Variants in TMPRSS15 observed in about 807,000 individuals in gnomAD.
The protein encoded by TMPRSS15 is enteropeptidase.
TMPRSS15 carries 128 observed loss-of-function variants against 125.3 expected under a neutral mutation model. That is an observed-to-expected ratio of 1.02 (90% CI 0.89 to 1.18). The LOEUF is 1.18. Ranked by LOEUF, TMPRSS15 falls within the 50% of genes most tolerant of loss-of-function variation. The probability of loss-of-function intolerance (pLI) is 0.00; values close to 1 mark genes in which losing one functional copy is unlikely to be tolerated. For synonymous variants in TMPRSS15, 446 were observed against 423.2 expected (o/e 1.05, Z -0.66); for missense variants, 1,283 against 1,212.7 (o/e 1.06, Z -0.86).
intron 1 of TMPRSS15, among the ~76,000 whole-genome samples, chr21:18,463,738 T>C (rs2122954097): frequency 2.6e-5 from 4 of 152,288 alleles, no homozygotes; most frequent in South Asian, 2.1e-4. Context: ...ATGGAAGTCA[T>C]GACAAATTGT....
At chr21:18,305,745 C>T (rs189613785) in intron 18 of TMPRSS15, among the ~76,000 whole-genome samples, 2 of 152,252 alleles carry the variant, frequency 1.3e-5, no homozygotes, top group Admixed American at 1.3e-4. Context: ...CTTCCCCCAC[C>T]CTGCTAGATA....
At position 18,269,366 on chromosome 21, in the gene TMPRSS15, CTTAT is replaced by C. The variant is rs1257861813; in HGVS notation, c.*599_*602del. The C allele has an allele frequency of 6.6e-6, 1 of 152,044 alleles. No homozygotes were observed. The highest frequency in any genetic ancestry group is 2.4e-5 in the African/African-American group (1 of 41,392). 9.4% of individuals were successfully genotyped at this position (152,044 alleles called of 1,614,324 possible). On this transcript the variant is annotated 3_prime_UTR_variant, in exon 25 of 25. Transcript: ENST00000284885. ...GTTAATTTATCTTTTATTTAATTAA[CTTAT>C]TTAAGAGGAACGTAAAATCAATTTA...
At chr21:18,385,916 T>G (rs1490015232) in intron 3 of TMPRSS15, among the ~76,000 whole-genome samples, 1 of 152,058 alleles carries the variant, frequency 6.6e-6, no homozygotes, top group Non-Finnish European at 1.5e-5. Flanking sequence ...CCTAATTTTT[T>G]GTATTTTTAA....
chr21:18,452,482 G>A (rs1169037819), intron 1 of TMPRSS15, among the ~76,000 whole-genome samples: 1 of 152,074 alleles, frequency 6.6e-6, no homozygotes, highest in East Asian at 1.9e-4. Context: ...TACGCAACAT[G>A]GCGAAACCAT....
At chr21:18,386,934 G>T (rs1246232698) in intron 3 of TMPRSS15, among the ~76,000 whole-genome samples, 1 of 152,184 alleles carries the variant, frequency 6.6e-6, no homozygotes, top group Admixed American at 6.5e-5. Context: ...AAAGTAACTG[G>T]ATTAGTTCAT....
intron 1 of TMPRSS15, among the ~76,000 whole-genome samples, chr21:18,468,965 GAAAGA>G: frequency 6.6e-6 from 1 of 152,260 alleles, no homozygotes. Flanking sequence ...TCCTCTGAAT[GAAAGA>G]AATCATTCTG....
At chr21:18,436,615 C>T (rs9798681) in intron 1 of TMPRSS15, among the ~76,000 whole-genome samples, 44,322 of 148,922 alleles carry the variant, frequency 0.3, 8,015 homozygotes, top group Middle Eastern at 0.46. Flanking sequence ...AATCAATGTA[C>T]AAAAATCACA....
At chr21:18,284,663 GT>G (rs2074741254) in intron 21 of TMPRSS15, among the ~76,000 whole-genome samples, 1 of 152,154 alleles carries the variant, frequency 6.6e-6, no homozygotes, top group African/African-American at 2.4e-5. Context: ...ATAGGAGAAG[GT>G]GAGAACCACC....
chr21:18,345,235 A>G (rs2075492492), intron 10 of TMPRSS15, among the ~76,000 whole-genome samples: 3 of 152,168 alleles, frequency 2.0e-5, no homozygotes, highest in Non-Finnish European at 4.4e-5. Flanking sequence ...TTATTAACAC[A>G]TTACTCCTAT....
At chr21:18,422,315 A>G (rs1023644618) in intron 1 of TMPRSS15, among the ~76,000 whole-genome samples, 2 of 152,070 alleles carry the variant, frequency 1.3e-5, no homozygotes, top group African/African-American at 4.8e-5. Context: ...TTAATGAAAA[A>G]TAAATGGAAG....
intron 3 of TMPRSS15, among the ~76,000 whole-genome samples, chr21:18,385,179 A>G (rs1343183487): frequency 3.3e-5 from 5 of 152,258 alleles, no homozygotes; most frequent in Non-Finnish European, 7.3e-5. Context: ...CTTAAATTAT[A>G]GTAGCCAAAT....
chr21:18,321,834 C>T (rs1433159011), intron 16 of TMPRSS15, among the ~76,000 whole-genome samples: 1 of 152,114 alleles, frequency 6.6e-6, no homozygotes, highest in Non-Finnish European at 1.5e-5. Flanking sequence ...GCAGACGGTG[C>T]TGATGAAAAC....
At chr21:18,366,864 A>G (rs1333823116) in intron 6 of TMPRSS15, among the ~76,000 whole-genome samples, 3 of 152,262 alleles carry the variant, frequency 2.0e-5, no homozygotes, top group East Asian at 1.9e-4. Context: ...GAGCTATGAA[A>G]AAGCTCATCG....
At position 18,297,218 on chromosome 21, in the gene TMPRSS15, C is replaced by T. The variant is rs893691913; in HGVS notation, c.2261+516G>A. On this transcript the variant is annotated intron_variant, in intron 19 of 24. Coordinates refer to ENST00000284885, the MANE Select transcript of TMPRSS15 (RefSeq NM_002772.3). ...AAGGCTATAAAAGTAAACCTAATAT[C>T]AAAAAGTAAAAGAGAATATGTAGAC... 2.0e-5 allele frequency among the ~76,000 whole-genome samples: 3 copies of T among 152,208 alleles called. 1 individual carries two copies. Among genetic ancestry groups the T allele is most frequent in the Admixed American group, 6.5e-5 (1 of 15,280 alleles).
rs1746410576 is a variant in TMPRSS15 at position 18,343,596 on chromosome 21, AT to A, written c.1337del (p.Asn446IlefsTer22). On this transcript the variant is annotated frameshift_variant, in exon 12 of 25. Transcript: ENST00000284885. LOFTEE classifies it high-confidence loss of function. ...CCTTTTGGAAAACTGTCTTCTCCAT[AT>A]TTTGGTCATTGCTGATATTAATGCT... Reference protein sequence around the residue: ...KLSINISNDQNMEKTVFQKEG... With the variant: ...KLSINISNDQXMEKTVFQKEG... The A allele has an allele frequency of 1.2e-6, 2 of 1,613,094 alleles. No homozygotes were observed. Among genetic ancestry groups the A allele is most frequent in the Non-Finnish European group, 8.5e-7 (1 of 1,179,236 alleles).
chr21:18,270,090 T>C lies in TMPRSS15; in HGVS notation c.2939A>G (p.Asn980Ser), dbSNP rs781357972. 5.6e-6 allele frequency: 9 copies of C among 1,613,892 alleles called. No individual in the cohort carries two copies. The Admixed American group carries it at 8.3e-5, about 15-fold the overall frequency. Residue 980 changes from asparagine to serine, a missense_variant, in exon 25 of 25, where the codon AAC (asparagine) becomes AGC (serine). Asn to Ser is a conservative substitution (Grantham distance 46). Coordinates refer to ENST00000284885, the MANE Select transcript of TMPRSS15 (RefSeq NM_002772.3). Reference protein sequence around the residue: ...DSGGPLMCQENNRWFLAGVTS... With the variant: ...DSGGPLMCQESNRWFLAGVTS... ...CACACCAGCAAGGAACCACCTGTTG[T>C]TTTCTTGGCACATTAATGGTCCTCC...
Position 18,358,595 on chromosome 21 carries a change from T to G in TMPRSS15, c.880+1162A>C, listed in dbSNP as rs142561351. On this transcript the variant is annotated intron_variant, in intron 8 of 24. Coordinates refer to ENST00000284885, the MANE Select transcript of TMPRSS15 (RefSeq NM_002772.3). Reference sequence around the variant, plus strand: ...TTTATATATACTCATTATGATATTTTTACTTGGGCTTTTAAGGCACAAAGA... The same window carrying G: ...TTTATATATACTCATTATGATATTTGTACTTGGGCTTTTAAGGCACAAAGA... Among the ~76,000 whole-genome samples, 956 of 152,056 alleles carry G rather than the reference T, an allele frequency of 6.3e-3. 14 individuals are homozygous for G. The highest frequency in any genetic ancestry group is 0.022 in the African/African-American group (896 of 41,536).
At chr21:18,396,094 T>C (rs746379462) in intron 3 of TMPRSS15, among the ~76,000 whole-genome samples, 1 of 152,250 alleles carries the variant, frequency 6.6e-6, no homozygotes, top group Non-Finnish European at 1.5e-5. Context: ...GCCATCAGTC[T>C]AGCTTACTTA....
rs369336512 is a variant in TMPRSS15, at chr21:18,430,097, C to T, written c.11-31768G>A. 2.5e-4 allele frequency among the ~76,000 whole-genome samples: 38 copies of T among 152,278 alleles called. 1 individual carries two copies. Among genetic ancestry groups the T allele is most frequent in the African/African-American group, 8.2e-4 (34 of 41,556 alleles). ...TATCACCTTTTCACAATGTTAGCAT[C>T]AGTCTTTGTGAAAGCTGTACCTCTT... On this transcript the variant is annotated intron_variant, in intron 1 of 7. Transcript: ENST00000422787.
Sources: gnomAD v4.1 joint callset for allele counts (sites outside exome capture counted in the v4.1 genomes callset) on GRCh38, gnomAD v4.1.1 for gene constraint, MANE v1.5 for transcripts, NCBI Gene and HGNC (gene_info 2026-07-23, HGNC 2026-07-21) for gene names.